MAST4: variants seen among roughly 807,000 people sequenced by gnomAD.
MAST4 encodes the protein microtubule-associated serine/threonine-protein kinase 4.
A neutral mutation model predicts 162.7 loss-of-function variants in MAST4; 89 were observed. The ratio of observed to expected loss-of-function variants is 0.55; its 90% CI spans 0.46 to 0.65. MAST4 has a LOEUF of 0.65. Among genes scored for constraint, MAST4 ranks in the 30% least tolerant of loss-of-function variants. MAST4 has a pLI of 0.00. For synonymous variants in MAST4, 1,479 were observed against 1,361.1 expected (o/e 1.09, Z -1.91); for missense variants, 3,153 against 3,374.0 (o/e 0.93, Z 1.62).
intron 3 of MAST4, among the ~76,000 whole-genome samples, chr5:66,887,430 T>C (rs745531975): frequency 6.6e-6 from 1 of 152,240 alleles, no homozygotes; most frequent in Non-Finnish European, 1.5e-5. Flanking sequence ...GCTAGGAATG[T>C]ACTTAGCTGC....
At chr5:66,895,401 C>A (rs186162702) in intron 3 of MAST4, among the ~76,000 whole-genome samples, 1 of 152,264 alleles carries the variant, frequency 6.6e-6, no homozygotes, top group East Asian at 1.9e-4. Context: ...ACTCCAAAAT[C>A]TACTTCCAGC....
At chr5:66,884,773 G>A (rs939055526) in intron 3 of MAST4, among the ~76,000 whole-genome samples, 1 of 152,202 alleles carries the variant, frequency 6.6e-6, no homozygotes, top group Non-Finnish European at 1.5e-5. Context: ...GCAATTGCAA[G>A]GAAAGGTCAA....
chr5:66,750,217 C>T (rs1021238993), intron 1 of MAST4, among the ~76,000 whole-genome samples: 11 of 152,100 alleles, frequency 7.2e-5, no homozygotes, highest in African/African-American at 2.7e-4. Context: ...TTGGTGATCC[C>T]TTTGAACTAA....
intron 4 of MAST4, among the ~76,000 whole-genome samples, chr5:66,991,512 T>G (rs559804317): frequency 6.6e-6 from 1 of 152,292 alleles, no homozygotes; most frequent in East Asian, 1.9e-4. Context: ...ACAATAAAGC[T>G]GAAAGAACTT....
Position 66,643,561 on chromosome 5 carries a change from A to G in MAST4, c.363+46543A>G, listed in dbSNP as rs986028886. 2.6e-5 allele frequency among the ~76,000 whole-genome samples: 4 copies of G among 152,124 alleles called. No homozygotes were observed. The East Asian group carries it at 5.8e-4, about 22-fold the overall frequency. ...ATTTATTGTTGTGCAGAGGACAGAT[A>G]CCCCATATTGCATCACCTTCAGACC... On this transcript the variant is annotated intron_variant, in intron 1 of 28. Transcript: ENST00000403625.
intron 4 of MAST4, among the ~76,000 whole-genome samples, chr5:66,954,218 A>G (rs1424262344): frequency 1.3e-5 from 2 of 152,142 alleles, no homozygotes; most frequent in South Asian, 2.1e-4. Flanking sequence ...CTGCACACAC[A>G]TGTATACAGC....
chr5:66,836,858 T>C (rs1262703617), intron 3 of MAST4, among the ~76,000 whole-genome samples: 1 of 152,114 alleles, frequency 6.6e-6, no homozygotes, highest in Non-Finnish European at 1.5e-5. Context: ...ACCTGGGTTA[T>C]GGAAGAATCT....
At chr5:66,994,668 C>T (rs1297668042) in intron 4 of MAST4, among the ~76,000 whole-genome samples, 1 of 152,212 alleles carries the variant, frequency 6.6e-6, no homozygotes, top group African/African-American at 2.4e-5. Flanking sequence ...GAAACGTCGT[C>T]TTTACCTTTC....
chr5:66,673,389 GTATT>G (rs1219908304), intron 1 of MAST4, among the ~76,000 whole-genome samples: 1 of 150,648 alleles, frequency 6.6e-6, no homozygotes, highest in African/African-American at 2.5e-5. Flanking sequence ...TGTTCTAAAG[GTATT>G]TATTGTATCT....
rs1477447291 is a variant in MAST4, at chr5:67,153,600, A to T, written c.3648+20A>T. 1.3e-6 allele frequency: 2 copies of T among 1,553,026 alleles called. No individual in the cohort carries two copies. Among genetic ancestry groups the T allele is most frequent in the African/African-American group, 2.7e-5 (2 of 73,298 alleles). On this transcript the variant is annotated intron_variant, in intron 26 of 28. Coordinates refer to ENST00000403625, the MANE Select transcript of MAST4 (RefSeq NM_001164664.2). ...CTGAAGGTATTGTATGTTTTATGTCAGGGCCATGCTGATGAGACAGGCAGC... is the reference window on the plus strand; with the variant it reads ...CTGAAGGTATTGTATGTTTTATGTCTGGGCCATGCTGATGAGACAGGCAGC...
chr5:67,096,413 T>G (rs1479680244), intron 7 of MAST4, among the ~76,000 whole-genome samples: 1 of 152,154 alleles, frequency 6.6e-6, no homozygotes, highest in Non-Finnish European at 1.5e-5. Flanking sequence ...CCTAGTAGAT[T>G]GCAGGTGTTC....
intron 4 of MAST4, among the ~76,000 whole-genome samples, chr5:66,943,678 G>A (rs112459438): frequency 6.6e-6 from 1 of 151,890 alleles, no homozygotes; most frequent in Admixed American, 6.6e-5. Context: ...GTATTTATTT[G>A]AATAATTTTA....
chr5:66,816,964 G>A (rs915702252), intron 3 of MAST4, among the ~76,000 whole-genome samples: 1 of 152,084 alleles, frequency 6.6e-6, no homozygotes. Context: ...TACTGTTTTG[G>A]ACTCTGTTCA....
chr5:66,741,298 C>G (rs148702006), intron 1 of MAST4, among the ~76,000 whole-genome samples: 1 of 152,294 alleles, frequency 6.6e-6, no homozygotes, highest in East Asian at 1.9e-4. Flanking sequence ...ACCTTATTAC[C>G]ACCTGAAGAA....
chr5:66,787,359 A>C (rs1308395541), intron 2 of MAST4, among the ~76,000 whole-genome samples: 1 of 152,238 alleles, frequency 6.6e-6, no homozygotes, highest in Non-Finnish European at 1.5e-5. Flanking sequence ...CTATAATAAA[A>C]GAGTGAAAAA....
chr5:66,906,751 A>G (rs1474688616), intron 4 of MAST4, among the ~76,000 whole-genome samples: 1 of 152,206 alleles, frequency 6.6e-6, no homozygotes, highest in Non-Finnish European at 1.5e-5. Context: ...TTGAGCAGGT[A>G]TTGAGAACCA....
chr5:66,816,055 A>T (rs1419010336), intron 3 of MAST4, among the ~76,000 whole-genome samples: 1 of 152,204 alleles, frequency 6.6e-6, no homozygotes, highest in African/African-American at 2.4e-5. Context: ...TTAGAGGAAG[A>T]TTGAGGAAAA....
At chr5:67,092,514 TATTA>T (rs984113427) in intron 6 of MAST4, among the ~76,000 whole-genome samples, 5 of 152,352 alleles carry the variant, frequency 3.3e-5, no homozygotes, top group African/African-American at 1.2e-4. Context: ...CTAATTGTGG[TATTA>T]ATTTACAATC....
chr5:67,095,677 T>A lies in MAST4; in HGVS notation c.912+2T>A. ...AACACACCCAGCTCTACGGTCTCTG[T>A]AAGTGCCTGACTTTTTTTTTTTTTT... On this transcript the variant is annotated splice_donor_variant, in intron 7 of 28. Transcript: ENST00000403625. LOFTEE classifies it high-confidence loss of function. 6.4e-7 allele frequency: 1 copy of A among 1,569,144 alleles called. No homozygotes were observed. The highest frequency in any genetic ancestry group is 8.6e-7 in the Non-Finnish European group (1 of 1,162,280).
Sources: allele counts gnomAD v4.1 joint callset (sites outside exome capture counted in the v4.1 genomes callset), GRCh38; gene constraint gnomAD v4.1.1; transcripts MANE v1.5; gene names NCBI Gene and HGNC (gene_info 2026-07-23, HGNC 2026-07-21).